The following ZRANB3 variants were observed in gnomAD, a reference collection of about 807,000 sequenced individuals.
ZRANB3 encodes the protein DNA annealing helicase and endonuclease ZRANB3.
In ZRANB3, 125 loss-of-function variants were observed where a neutral mutation model predicts 133.8. The ratio of observed to expected loss-of-function variants is 0.93; its 90% CI spans 0.81 to 1.08. The LOEUF is 1.08. ZRANB3 is among the 50% of genes least tolerant of loss of function. ZRANB3 has a pLI of 0.00. For synonymous variants in ZRANB3, 387 were observed against 432.7 expected (o/e 0.89, Z 1.31); for missense variants, 1,229 against 1,275.5 (o/e 0.96, Z 0.56).
intron 3 of ZRANB3, among the ~76,000 whole-genome samples, chr2:135,374,703 T>C: frequency 6.6e-6 from 1 of 152,092 alleles, no homozygotes; most frequent in Admixed American, 6.5e-5. Context: ...GGTTTCACCA[T>C]GTTGGCCAGG....
chr2:135,379,599 C>T (rs1282510378), intron 3 of ZRANB3, among the ~76,000 whole-genome samples: 1 of 152,128 alleles, frequency 6.6e-6, no homozygotes, highest in Non-Finnish European at 1.5e-5. Flanking sequence ...CCTTTACAGA[C>T]AAGCAAATGC....
intron 5 of ZRANB3, among the ~76,000 whole-genome samples, chr2:135,349,298 C>G (rs1421991545): frequency 6.6e-6 from 1 of 152,162 alleles, no homozygotes; most frequent in Non-Finnish European, 1.5e-5. Context: ...TTAATTCTCC[C>G]AGCAACCCTA....
At chr2:135,307,652 T>C (rs1389322526) in intron 8 of ZRANB3, among the ~76,000 whole-genome samples, 1 of 152,176 alleles carries the variant, frequency 6.6e-6, no homozygotes, top group African/African-American at 2.4e-5. Flanking sequence ...GTCTTTTTTG[T>C]TATTTTGCAA....
chr2:135,485,084 T>G (rs780942667), intron 2 of ZRANB3, among the ~76,000 whole-genome samples: 1 of 151,630 alleles, frequency 6.6e-6, no homozygotes. Flanking sequence ...CCCCAATAAC[T>G]GAGGGAGTAT....
In ZRANB3 at chr2:135,249,534, T is replaced by C. The variant is rs141578930; in HGVS notation, c.1539+16000A>G. ...ACCACGTTCTCACTTATAAGTGTGA[T>C]ATGGTTTGGCTGTGTCCCCACCCAA... On this transcript the variant is annotated intron_variant, in intron 12 of 20. Coordinates refer to ENST00000264159, the MANE Select transcript of ZRANB3 (RefSeq NM_032143.4). Among the ~76,000 whole-genome samples, 73 of 152,330 alleles carry C rather than the reference T, an allele frequency of 4.8e-4. 2 individuals are homozygous for C. The East Asian group carries it at 0.014, about 29-fold the overall frequency.
At chr2:135,298,769 T>C (rs1345111976) in intron 8 of ZRANB3, among the ~76,000 whole-genome samples, 1 of 152,238 alleles carries the variant, frequency 6.6e-6, no homozygotes, top group African/African-American at 2.4e-5. Context: ...GTTGTAGTTT[T>C]GTTTAGTGCA....
intron 2 of ZRANB3, among the ~76,000 whole-genome samples, chr2:135,487,150 G>C (rs1339543440): frequency 6.6e-6 from 1 of 152,138 alleles, no homozygotes; most frequent in Admixed American, 6.5e-5. Flanking sequence ...TAGAGCTCTT[G>C]GGTGACCAGG....
Position 135,303,433 on chromosome 2 carries a change from A to G in ZRANB3, c.966+10056T>C, listed in dbSNP as rs1488349024. Among the ~76,000 whole-genome samples, 3 of 151,908 alleles carry G rather than the reference A, an allele frequency of 2.0e-5. No individual in the cohort carries two copies. The East Asian group carries it at 5.8e-4, about 29-fold the overall frequency. Reference sequence around the variant, plus strand: ...ATGTTCAAGACTTCTTTTTTTCCTTATGGATATCCAATTGTCTTAGTACCC... The same window carrying G: ...ATGTTCAAGACTTCTTTTTTTCCTTGTGGATATCCAATTGTCTTAGTACCC... On this transcript the variant is annotated intron_variant, in intron 8 of 20. Coordinates refer to ENST00000264159, the MANE Select transcript of ZRANB3 (RefSeq NM_032143.4).
intron 12 of ZRANB3, among the ~76,000 whole-genome samples, chr2:135,254,812 G>A (rs935478981): frequency 5.9e-5 from 9 of 151,530 alleles, no homozygotes; most frequent in Admixed American, 3.3e-4. Flanking sequence ...GTACAGTGGC[G>A]CGATCTCAGC....
chr2:135,389,319 G>A (rs1417708199), intron 3 of ZRANB3, among the ~76,000 whole-genome samples: 2 of 152,132 alleles, frequency 1.3e-5, no homozygotes, highest in Non-Finnish European at 2.9e-5. Context: ...TTATAAATTA[G>A]CATGAACTAT....
At chr2:135,345,853 C>T (rs1434703194) in intron 5 of ZRANB3, among the ~76,000 whole-genome samples, 1 of 152,026 alleles carries the variant, frequency 6.6e-6, no homozygotes, top group Non-Finnish European at 1.5e-5. Context: ...TATGTTTATG[C>T]TTTTATTCAC....
At chr2:135,308,620 T>A (rs749546785) in intron 8 of ZRANB3, among the ~76,000 whole-genome samples, 1 of 152,198 alleles carries the variant, frequency 6.6e-6, no homozygotes, top group Non-Finnish European at 1.5e-5. Context: ...GTTTGTTTTG[T>A]CTTTTCCTTT....
chr2:135,528,299 C>T (rs1694245014), intron 1 of ZRANB3, among the ~76,000 whole-genome samples: 1 of 152,014 alleles, frequency 6.6e-6, no homozygotes, highest in Non-Finnish European at 1.5e-5. Flanking sequence ...AGTTGTGCAC[C>T]ACTACGCCCA....
chr2:135,462,751 C>T (rs1379127092), intron 2 of ZRANB3, among the ~76,000 whole-genome samples: 2 of 152,014 alleles, frequency 1.3e-5, no homozygotes, highest in African/African-American at 4.8e-5. Flanking sequence ...CACCATCACA[C>T]CTGGCTAGTT....
intron 2 of ZRANB3, among the ~76,000 whole-genome samples, chr2:135,421,706 C>T (rs1574079558): frequency 6.6e-6 from 1 of 152,146 alleles, no homozygotes; most frequent in Admixed American, 6.5e-5. Flanking sequence ...ATCTCCTTAA[C>T]CATTTTTTAA....
chr2:135,475,663 G>A (rs772821420), intron 2 of ZRANB3, among the ~76,000 whole-genome samples: 10 of 152,048 alleles, frequency 6.6e-5, no homozygotes, highest in African/African-American at 2.4e-4. Flanking sequence ...TTTCCAGAAA[G>A]GCCAAGTTTT....
At chr2:135,464,548 G>T (rs1481380747) in intron 2 of ZRANB3, among the ~76,000 whole-genome samples, 4 of 152,194 alleles carry the variant, frequency 2.6e-5, no homozygotes, top group African/African-American at 9.6e-5. Flanking sequence ...GGCAATGTTG[G>T]ATGGGTACTC....
chr2:135,502,339 T>C (rs1692986724), intron 2 of ZRANB3, among the ~76,000 whole-genome samples: 1 of 152,204 alleles, frequency 6.6e-6, no homozygotes, highest in African/African-American at 2.4e-5. Flanking sequence ...CTTTTTATTT[T>C]CTCATTTTGC....
chr2:135,271,887 T>TCTAG lies in ZRANB3; in HGVS notation c.1087-4_1087-1dup (p.Thr363LeufsTer6). 10 of 1,609,390 alleles carry TCTAG rather than the reference T, an allele frequency of 6.2e-6. No homozygotes were observed. The highest frequency in any genetic ancestry group is 8.5e-6 in the Non-Finnish European group (10 of 1,178,476). The stretch of plus-strand genomic sequence containing the variant: ...CTTCCATCTATCCTAATGTAACGAG[T>TCTAG]CTAGCATCAACAAGGAAAACGGCAA... On this transcript the variant is annotated frameshift_variant and splice_region_variant. Coordinates refer to ENST00000264159, the MANE Select transcript of ZRANB3 (RefSeq NM_032143.4). LOFTEE classifies it high-confidence loss of function.
Sources: allele counts gnomAD v4.1 joint callset (sites outside exome capture counted in the v4.1 genomes callset), GRCh38; gene constraint gnomAD v4.1.1; transcripts MANE v1.5; gene names NCBI Gene and HGNC (gene_info 2026-07-23, HGNC 2026-07-21).